MGAT4C: variants seen among roughly 807,000 people sequenced by gnomAD.
The protein encoded by MGAT4C is MGAT4 family member C.
MGAT4C carries 19 observed loss-of-function variants against 40.1 expected under a neutral mutation model. The ratio of observed to expected loss-of-function variants is 0.47; its 90% CI spans 0.33 to 0.70. MGAT4C has a LOEUF of 0.70. MGAT4C is among the 30% of genes least tolerant of loss of function. The pLI, the probability that MGAT4C is intolerant of heterozygous loss-of-function variation, is 0.02. For synonymous variants in MGAT4C, 181 were observed against 187.1 expected (o/e 0.97, Z 0.27); for missense variants, 491 against 563.2 (o/e 0.87, Z 1.30).
intron 1 of MGAT4C, among the ~76,000 whole-genome samples, chr12:86,824,588 A>G (rs1261832493): frequency 6.6e-6 from 1 of 151,222 alleles, no homozygotes; most frequent in Non-Finnish European, 1.5e-5. Context: ...TAATCCAAAA[A>G]AAGACTTGAA....
intron 2 of MGAT4C, among the ~76,000 whole-genome samples, chr12:86,711,177 A>C (rs145490137): frequency 0.033 from 4,964 of 152,196 alleles, 115 homozygotes; most frequent in Non-Finnish European, 0.051. Context: ...CCCCCCAAAA[A>C]TTTGAAATAA....
chr12:86,114,779 C>T (rs1878092818), intron 1 of MGAT4C, among the ~76,000 whole-genome samples: 1 of 151,902 alleles, frequency 6.6e-6, no homozygotes, highest in South Asian at 2.1e-4. Context: ...TCTCATTTCT[C>T]TTCCAACCGC....
intron 1 of MGAT4C, among the ~76,000 whole-genome samples, chr12:86,142,118 T>C (rs1056183463): frequency 1.3e-5 from 2 of 152,194 alleles, no homozygotes; most frequent in African/African-American, 4.8e-5. Context: ...TGACTTCAGT[T>C]AAGCAAGTCT....
At chr12:86,781,072 T>TA (rs1440780963) in intron 1 of MGAT4C, among the ~76,000 whole-genome samples, 3 of 152,164 alleles carry the variant, frequency 2.0e-5, no homozygotes, top group African/African-American at 7.2e-5. Context: ...TATCATCTGT[T>TA]AATAGACACT....
At chr12:86,755,120 G>A (rs762874917) in intron 1 of MGAT4C, among the ~76,000 whole-genome samples, 6 of 152,124 alleles carry the variant, frequency 3.9e-5, no homozygotes, top group African/African-American at 1.4e-4. Flanking sequence ...CATGGTTTTA[G>A]TAGAGCAGAT....
At chr12:86,406,203 T>C (rs1337521623) in intron 3 of MGAT4C, among the ~76,000 whole-genome samples, 3 of 151,112 alleles carry the variant, frequency 2.0e-5, no homozygotes, top group Non-Finnish European at 4.4e-5. Flanking sequence ...AAAAAGTGCT[T>C]AGATGACAAC....
rs1883458615 is a variant in MGAT4C, at chr12:85,968,327, A to G, written c.*10962T>C. 6.6e-6 allele frequency: 1 copy of G among 152,012 alleles called. No homozygotes were observed. Among genetic ancestry groups the G allele is most frequent in the Non-Finnish European group, 1.5e-5 (1 of 67,928 alleles). The allele number at this position is 152,012 out of a possible 1,614,324, so 9.4% of individuals were successfully genotyped here. ...TTTCAATATCTACAAAGATGTCATC[A>G]TTAGATTTTATGTGTTAAAAAGTGG... On this transcript the variant is annotated 3_prime_UTR_variant, in exon 5 of 5. Transcript: ENST00000611864.
chr12:85,981,542 A>T (rs1208103454), intron 4 of MGAT4C, among the ~76,000 whole-genome samples: 2 of 152,228 alleles, frequency 1.3e-5, no homozygotes. Context: ...ACAATATGTT[A>T]TCTAGTACCA....
At chr12:86,698,085 A>C (rs1157725193) in intron 2 of MGAT4C, among the ~76,000 whole-genome samples, 1 of 150,608 alleles carries the variant, frequency 6.6e-6, no homozygotes, top group Non-Finnish European at 1.5e-5. Flanking sequence ...TGTATTTGTT[A>C]TATCATTTTT....
At chr12:86,054,300 G>A (rs1317523481) in intron 1 of MGAT4C, among the ~76,000 whole-genome samples, 1 of 151,986 alleles carries the variant, frequency 6.6e-6, no homozygotes, top group Non-Finnish European at 1.5e-5. Context: ...ATTGTGCTAA[G>A]TGAATTAAAC....
At chr12:86,387,902 T>C (rs1289082343) in intron 3 of MGAT4C, among the ~76,000 whole-genome samples, 5 of 152,160 alleles carry the variant, frequency 3.3e-5, no homozygotes, top group Admixed American at 6.5e-5. Context: ...TGAAAGGCAC[T>C]ATGACAAAAT....
intron 2 of MGAT4C, among the ~76,000 whole-genome samples, chr12:86,699,924 T>A (rs1292895643): frequency 2.0e-5 from 3 of 151,736 alleles, no homozygotes; most frequent in Non-Finnish European, 4.4e-5. Flanking sequence ...GGAGGTGGAA[T>A]GGGAGGCAAG....
chr12:86,471,167 C>A lies in MGAT4C; in HGVS notation c.-228-35902G>T, dbSNP rs567713374. Among the ~76,000 whole-genome samples the A allele has an allele frequency of 3.3e-5, 5 of 151,956 alleles. No individual in the cohort carries two copies. The East Asian group carries it at 7.7e-4, about 24-fold the overall frequency. ...AACTAACACCAGGGGGAAATATGAA[C>A]CTTCAGGAATAAAGAAAGAACAACA... On this transcript the variant is annotated intron_variant, in intron 2 of 7. Transcript: ENST00000548651.
At chr12:86,186,498 G>A (rs1888768123) in intron 1 of MGAT4C, among the ~76,000 whole-genome samples, 1 of 152,098 alleles carries the variant, frequency 6.6e-6, no homozygotes, top group South Asian at 2.1e-4. Flanking sequence ...ACTAATTGAA[G>A]AACCAAGCAT....
intron 1 of MGAT4C, among the ~76,000 whole-genome samples, chr12:86,205,114 G>C (rs1950202978): frequency 6.6e-6 from 1 of 151,764 alleles, no homozygotes; most frequent in Non-Finnish European, 1.5e-5. Flanking sequence ...ATATTTACTG[G>C]AGCAAAAATA....
chr12:86,118,920 AATTT>A (rs1878891721), intron 1 of MGAT4C, among the ~76,000 whole-genome samples: 1 of 152,130 alleles, frequency 6.6e-6, no homozygotes, highest in Non-Finnish European at 1.5e-5. Flanking sequence ...TCAAAATGAT[AATTT>A]ATTAGTCTAA....
intron 2 of MGAT4C, among the ~76,000 whole-genome samples, chr12:85,990,050 T>A (rs1885709756): frequency 6.6e-6 from 1 of 152,094 alleles, no homozygotes; most frequent in African/African-American, 2.4e-5. Flanking sequence ...AGAAAAGTGA[T>A]AAAGAAGTTA....
intron 1 of MGAT4C, among the ~76,000 whole-genome samples, chr12:86,250,469 T>G (rs934570759): frequency 7.2e-5 from 11 of 151,792 alleles, no homozygotes; most frequent in Non-Finnish European, 1.6e-4. Flanking sequence ...CTCAATTCTA[T>G]CACCACTTCA....
At chr12:86,296,693 C>G (rs1288135911) in intron 4 of MGAT4C, among the ~76,000 whole-genome samples, 1 of 152,216 alleles carries the variant, frequency 6.6e-6, no homozygotes, top group Non-Finnish European at 1.5e-5. Context: ...GCCAGCGGCT[C>G]CGAGTGCGGG....
Sources: allele counts gnomAD v4.1 joint callset (sites outside exome capture counted in the v4.1 genomes callset), GRCh38; gene constraint gnomAD v4.1.1; transcripts MANE v1.5; gene names NCBI Gene and HGNC (gene_info 2026-07-23, HGNC 2026-07-21).